Variants in ZIM2 observed in about 807,000 individuals in gnomAD.
ZIM2 encodes the protein zinc finger imprinted 2, also known as zinc finger protein 656.
Under a neutral mutation model 38.6 loss-of-function variants are expected in ZIM2, and 14 were observed. That is an observed-to-expected ratio of 0.36 (90% confidence interval 0.24 to 0.57). The LOEUF (loss-of-function observed/expected upper bound fraction) is 0.57, where lower values mean the gene tolerates loss of function less well. Ranked by LOEUF, ZIM2 falls within the 20% of genes least tolerant of loss-of-function variation. The pLI is 0.81. For missense variants in ZIM2, 680 were observed against 695.1 expected, an observed-to-expected ratio of 0.98 and a Z score of 0.24; for synonymous variants, 247 against 245.8, an observed-to-expected ratio of 1.00 and a Z score of -0.04.
intron 2 of ZIM2, among the ~76,000 whole-genome samples, chr19:56,831,135 T>C (rs1175744933): frequency 1.3e-5 from 2 of 152,096 alleles, no homozygotes; most frequent in African/African-American, 2.4e-5. Context: ...TAAGGTCTAT[T>C]TGGAGTGGGA....
chr19:56,782,722 T>A (rs188301421), intron 10 of ZIM2, among the ~76,000 whole-genome samples: 70 of 152,288 alleles, frequency 4.6e-4, no homozygotes, highest in Admixed American at 1.6e-3. Flanking sequence ...TTTTAATTTT[T>A]AAAAATTTTT....
chr19:56,800,539 T>C (rs2047467940), intron 9 of ZIM2, among the ~76,000 whole-genome samples: 1 of 152,062 alleles, frequency 6.6e-6, no homozygotes, highest in Non-Finnish European at 1.5e-5. Context: ...AAACAATAAT[T>C]TTATGTAGTT....
intron 9 of ZIM2, among the ~76,000 whole-genome samples, chr19:56,795,474 C>A (rs1473353348): frequency 1.3e-5 from 2 of 152,250 alleles, no homozygotes; most frequent in Non-Finnish European, 2.9e-5. Flanking sequence ...ACCTCGCACG[C>A]CTCACGCCCT....
chr19:56,832,872 G>A (rs2061705792), intron 2 of ZIM2, among the ~76,000 whole-genome samples: 2 of 152,188 alleles, frequency 1.3e-5, no homozygotes, highest in Admixed American at 1.3e-4. Context: ...ATTGAAGTCT[G>A]GATGGTGGTA....
At chr19:56,827,327 C>T (rs1487441083) in intron 2 of ZIM2, among the ~76,000 whole-genome samples, 5 of 152,032 alleles carry the variant, frequency 3.3e-5, no homozygotes, top group African/African-American at 7.3e-5. Context: ...TTAACATGCT[C>T]AAGATTTTCT....
intron 9 of ZIM2, among the ~76,000 whole-genome samples, chr19:56,796,224 A>G (rs1282124384): frequency 2.6e-5 from 4 of 152,170 alleles, no homozygotes; most frequent in African/African-American, 9.7e-5. Flanking sequence ...ATGGCATAGT[A>G]TTTGCATATA....
At chr19:56,812,002 A>T (rs1600855017) in intron 9 of ZIM2, 5 of 985,120 alleles carry the variant, frequency 5.1e-6, no homozygotes, top group African/African-American at 3.5e-5. Context: ...TCTTTGACAT[A>T]CTTCCAAGCC....
Position 56,806,910 on chromosome 19 carries a change from T to G in ZIM2, c.490+10836A>C, listed in dbSNP as rs573198572. Among the ~76,000 whole-genome samples, 5 of 152,370 alleles carry G rather than the reference T, an allele frequency of 3.3e-5. No individual in the cohort carries two copies. In the East Asian group the frequency reaches 9.6e-4, roughly 29 times the overall value. ...CTCCATATTTGCTGGCACCTTGATC[T>G]TGGACTTCCCAGCCTCCAGAACTGT... On this transcript the variant is annotated intron_variant, in intron 9 of 12. Coordinates refer to ENST00000629319, the MANE Select transcript of ZIM2 (RefSeq NM_001387356.1).
intron 10 of ZIM2, among the ~76,000 whole-genome samples, chr19:56,787,968 G>T (rs774181981): frequency 6.6e-6 from 1 of 151,508 alleles, no homozygotes. Context: ...ATTTTTTATT[G>T]TGTCTATTTG....
chr19:56,813,926 C>G (rs368209554), intron 9 of ZIM2: 1 of 1,614,198 alleles, frequency 6.2e-7, no homozygotes, highest in East Asian at 2.2e-5. Context: ...TCATGGCAGT[C>G]ATAGTATGGT....
intron 10 of ZIM2, among the ~76,000 whole-genome samples, chr19:56,783,466 T>G (rs1039865466): frequency 6.6e-6 from 1 of 152,168 alleles, no homozygotes; most frequent in East Asian, 1.9e-4. Context: ...CATTGAATAC[T>G]ATGCAGCCAA....
chr19:56,780,245 CTTTTTTT>C (rs66492427), intron 11 of ZIM2, among the ~76,000 whole-genome samples: 2 of 129,360 alleles, frequency 1.5e-5, no homozygotes, highest in Admixed American at 7.8e-5. Context: ...TTTCTTTTTT[CTTTTTTT>C]TTTTTTTTGA....
chr19:56,820,178 C>T (rs752636413), intron 7 of ZIM2, among the ~76,000 whole-genome samples: 17 of 152,220 alleles, frequency 1.1e-4, no homozygotes, highest in Non-Finnish European at 1.8e-4. Flanking sequence ...AGATGCTGTT[C>T]TGAAAACAAT....
intron 9 of ZIM2, among the ~76,000 whole-genome samples, chr19:56,800,510 A>T (rs1376380417): frequency 6.6e-6 from 1 of 152,160 alleles, no homozygotes; most frequent in African/African-American, 2.4e-5. Flanking sequence ...TAACTCTGTA[A>T]GTTGTATTCT....
At chr19:56,823,351 A>G (rs527872985) in intron 5 of ZIM2, among the ~76,000 whole-genome samples, 1 of 152,352 alleles carries the variant, frequency 6.6e-6, no homozygotes, top group East Asian at 1.9e-4. Flanking sequence ...TGCAAATTCC[A>G]AATAGCTTTA....
chr19:56,791,792 C>T (rs1461224314), intron 9 of ZIM2, among the ~76,000 whole-genome samples: 1 of 152,164 alleles, frequency 6.6e-6, no homozygotes, highest in African/African-American at 2.4e-5. Context: ...GCTTTCTTCT[C>T]TCATTCTTGA....
chr19:56,822,352 C>T lies in ZIM2; in HGVS notation c.190+401G>A, dbSNP rs569971381. On this transcript the variant is annotated intron_variant, in intron 6 of 12. Transcript: ENST00000629319. Reference sequence around the variant, plus strand: ...GGCCTGGTGCTCAGATGTGGCACTTCCCTAACACTGCAGGAAGTCATGGCA... The same window carrying T: ...GGCCTGGTGCTCAGATGTGGCACTTTCCTAACACTGCAGGAAGTCATGGCA... 6.3e-4 allele frequency: 121 copies of T among 192,788 alleles called. 1 individual carries two copies. The highest frequency in any genetic ancestry group is 2.7e-3 in the African/African-American group (113 of 42,570). 11.9% of individuals were successfully genotyped at this position (192,788 alleles called of 1,614,324 possible). A position where few individuals can be genotyped will look rare whatever the true frequency, so the allele number is the denominator to read the frequency against.
chr19:56,838,303 C>A (rs1422303272), intron 1 of ZIM2, among the ~76,000 whole-genome samples: 3 of 152,190 alleles, frequency 2.0e-5, no homozygotes, highest in African/African-American at 7.2e-5. Context: ...CATGCCCGCC[C>A]CTGGGGCCGA....
rs746934903 is a variant in ZIM2 at position 56,814,226 on chromosome 19, C to A, written c.490+3520G>T. 2.5e-6 allele frequency: 4 copies of A among 1,613,148 alleles called. No homozygotes were observed. Among genetic ancestry groups the A allele is most frequent in the Non-Finnish European group, 3.4e-6 (4 of 1,179,528 alleles). ...TCCACTTCTGGCTCAGCAGCCTCCA[C>A]TTCTGGCTCGGCAGCCTCCACTTCT... On this transcript the variant is annotated intron_variant, in intron 9 of 12. Coordinates refer to ENST00000629319, the MANE Select transcript of ZIM2 (RefSeq NM_001387356.1). The surrounding 1 kb of genome is among the most constrained non-coding windows in gnomAD (Gnocchi z 5.8).
Sources: gnomAD v4.1 joint callset for allele counts (sites outside exome capture counted in the v4.1 genomes callset) on GRCh38, gnomAD v4.1.1 for gene constraint, Gnocchi (gnomAD v3.1) non-coding constraint, MANE v1.5 for transcripts, NCBI Gene and HGNC (gene_info 2026-07-23, HGNC 2026-07-21) for gene names.